Variants in RNGTT observed in about 807,000 individuals in gnomAD.
The protein encoded by RNGTT is mRNA-capping enzyme.
In RNGTT, 33 loss-of-function variants were observed where a neutral mutation model predicts 79.3. The observed-to-expected ratio is 0.42, with a 90% CI of 0.32 to 0.56. The LOEUF is 0.56. RNGTT is among the 20% of genes least tolerant of loss of function. RNGTT has a pLI of 0.17. For missense variants in RNGTT, 497 were observed against 739.1 expected (o/e 0.67, Z 3.80); for synonymous variants, 222 against 235.9 (o/e 0.94, Z 0.54).
intron 2 of RNGTT, among the ~76,000 whole-genome samples, 158 bp downstream of exon 2, chr6:88,940,913 C>T (rs575121916): frequency 3.2e-4 from 49 of 152,302 alleles, no homozygotes; most frequent in African/African-American, 9.6e-4. Context: ...TTGTGAGAAG[C>T]TGGGAGAAGG....
intron 8 of RNGTT, among the ~76,000 whole-genome samples, chr6:88,860,754 A>G (rs1582553440): frequency 6.6e-6 from 1 of 151,994 alleles, no homozygotes; most frequent in East Asian, 1.9e-4. Flanking sequence ...GCGGAGAATC[A>G]CTTGAGGCCA....
chr6:88,660,003 C>T (rs1211098493), intron 14 of RNGTT, among the ~76,000 whole-genome samples: 1 of 152,178 alleles, frequency 6.6e-6, no homozygotes, highest in African/African-American at 2.4e-5. Flanking sequence ...TATCTTTACT[C>T]TCCTGAAACA....
intron 8 of RNGTT, among the ~76,000 whole-genome samples, chr6:88,867,424 A>G (rs1782208992): frequency 6.6e-6 from 1 of 152,134 alleles, no homozygotes; most frequent in Non-Finnish European, 1.5e-5. Flanking sequence ...CAGAGGTTGC[A>G]GTGAGCCGAG....
Position 88,834,053 on chromosome 6 carries a change from A to C in RNGTT, c.1269+10304T>G, listed in dbSNP as rs1292729506. 2.6e-5 allele frequency among the ~76,000 whole-genome samples: 4 copies of C among 152,166 alleles called. No homozygotes were observed. The East Asian group carries it at 7.7e-4, about 29-fold the overall frequency. Reference sequence around the variant, plus strand: ...AGAATAAAAAATAAAATAAAATAATAATCATCATTTTCCTCTGAATCTACA... The same window carrying C: ...AGAATAAAAAATAAAATAAAATAATCATCATCATTTTCCTCTGAATCTACA... On this transcript the variant is annotated intron_variant, in intron 11 of 15. Coordinates refer to ENST00000369485, the MANE Select transcript of RNGTT (RefSeq NM_003800.5).
intron 8 of RNGTT, 40 bp downstream of exon 8, chr6:88,890,455 T>G: frequency 4.1e-6 from 5 of 1,218,754 alleles, no homozygotes; most frequent in Non-Finnish European, 4.8e-6. Flanking sequence ...TCTTCAAGCA[T>G]TAGGGTTATT....
intron 8 of RNGTT, among the ~76,000 whole-genome samples, chr6:88,885,571 G>T (rs529433908): frequency 2.0e-5 from 3 of 152,274 alleles, no homozygotes; most frequent in African/African-American, 7.2e-5. Context: ...CATAACAGTG[G>T]TAACTGTTTC....
chr6:88,808,471 A>G (rs958452701), intron 11 of RNGTT, among the ~76,000 whole-genome samples: 1 of 152,214 alleles, frequency 6.6e-6, no homozygotes, highest in Non-Finnish European at 1.5e-5. Flanking sequence ...AAAAAAGTAA[A>G]TGAGAAAACA....
chr6:88,953,812 C>T (rs1785337245), intron 1 of RNGTT, among the ~76,000 whole-genome samples: 1 of 152,142 alleles, frequency 6.6e-6, no homozygotes, highest in South Asian at 2.1e-4. Context: ...GATTGGGGTC[C>T]CATCTTTAGT....
intron 1 of RNGTT, among the ~76,000 whole-genome samples, chr6:88,950,646 T>C (rs1785212364): frequency 6.6e-6 from 1 of 152,104 alleles, no homozygotes; most frequent in African/African-American, 2.4e-5. Context: ...GTAGTGGAAA[T>C]AGCAAAAGAA....
At chr6:88,922,775 C>T (rs543876851) in intron 4 of RNGTT, among the ~76,000 whole-genome samples, 15 of 152,106 alleles carry the variant, frequency 9.9e-5, no homozygotes, top group Non-Finnish European at 2.1e-4. Flanking sequence ...GTGATCCACC[C>T]GCCTCGGCCT....
chr6:88,903,148 A>G (rs887962755), intron 6 of RNGTT, among the ~76,000 whole-genome samples: 1 of 152,246 alleles, frequency 6.6e-6, no homozygotes, highest in Non-Finnish European at 1.5e-5. Context: ...ATTTGAATCT[A>G]ATCTTTACAT....
chr6:88,872,666 G>A (rs973416982), intron 8 of RNGTT, among the ~76,000 whole-genome samples: 34 of 152,108 alleles, frequency 2.2e-4, no homozygotes, highest in African/African-American at 8.2e-4. Context: ...ATATTTTGGG[G>A]TAATTTTAGG....
In RNGTT at chr6:88,841,651, C is replaced by A. The variant is rs115540521; in HGVS notation, c.1269+2706G>T. On this transcript the variant is annotated intron_variant, in intron 11 of 15. Transcript: ENST00000369485. ...CACCACAATGCAACTTCTTGGATGC[C>A]ACGTGCAATTTTAATGTAAAAGTAC... 5.5e-3 allele frequency among the ~76,000 whole-genome samples: 843 copies of A among 152,264 alleles called. 8 individuals are homozygous for A. Among genetic ancestry groups the A allele is most frequent in the African/African-American group, 0.018 (731 of 41,544 alleles).
chr6:88,620,116 T>C (rs1772388037), intron 14 of RNGTT, among the ~76,000 whole-genome samples: 2 of 152,218 alleles, frequency 1.3e-5, no homozygotes, highest in African/African-American at 2.4e-5. Context: ...TGTGCCTCTA[T>C]AATGAGGAAC....
In RNGTT at chr6:88,780,002, A is replaced by AATT. The variant is rs1779011818; in HGVS notation, c.1339-10129_1339-10128insAAT. On this transcript the variant is annotated intron_variant, in intron 12 of 15. Transcript: ENST00000369485. ...GGGTGAGACTCTGTCTCAAATAAAT[A>AATT]AATTAATTAATTAATCTAGAAAATG... 2.6e-5 allele frequency among the ~76,000 whole-genome samples: 4 copies of AATT among 152,202 alleles called. No homozygotes were observed. In the East Asian group the frequency reaches 5.8e-4, roughly 22 times the overall value.
chr6:88,910,864 G>A (rs1462979869), intron 4 of RNGTT, among the ~76,000 whole-genome samples: 2 of 152,284 alleles, frequency 1.3e-5, no homozygotes, highest in Middle Eastern at 3.4e-3. Flanking sequence ...TTCCAGCCAA[G>A]AATTCCATAT....
Position 88,771,315 on chromosome 6 carries a change from G to GTATATATA in RNGTT, c.1339-1449_1339-1442dup, listed in dbSNP as rs539282627. 8.5e-3 allele frequency among the ~76,000 whole-genome samples: 524 copies of GTATATATA among 61,922 alleles called. 5 individuals are homozygous for GTATATATA. The highest frequency in any genetic ancestry group is 0.036 in the East Asian group (72 of 1,998). 40.6% of individuals were successfully genotyped at this position (61,922 alleles called of 152,430 possible). A position where few individuals can be genotyped will look rare whatever the true frequency, so the allele number is the denominator to read the frequency against. Reference sequence around the variant, plus strand: ...ACTGTATGTATGTATGTGTGTGTGTGTATATATATATATATATATATATAT... The same window carrying GTATATATA: ...ACTGTATGTATGTATGTGTGTGTGTGTATATATATATATATATATATATATATATATAT... On this transcript the variant is annotated intron_variant, in intron 12 of 15. Transcript: ENST00000369485.
chr6:88,801,717 CTTCTTAATATATAAGTTA>C, intron 11 of RNGTT, 85 bp from the exon 12 acceptor site: 1 of 833,754 alleles, frequency 1.2e-6, no homozygotes, highest in Non-Finnish European at 1.9e-6. Flanking sequence ...TTTATAAAAA[CTTCTTAATATATAAGTTA>C]TAAGAACTGA....
At position 88,612,740 on chromosome 6, in the gene RNGTT, T is replaced by C. The variant is rs777682777; in HGVS notation, c.1773A>G (p.Lys591=). The C allele has an allele frequency of 6.8e-6, 11 of 1,612,806 alleles. No homozygotes were observed. The highest frequency in any genetic ancestry group is 2.7e-5 in the African/African-American group (2 of 75,000). ...GGTCTTAGGTTAAAGGGCGTGGTCT[T>C]TTGGGAGGTGGTGGTGGCATGAGCT... The part of the protein sequence containing the change: ...DTELMPPPPP[K]RPRPLT Residue 591 remains lysine, a synonymous_variant, in exon 16 of 16, where the codon AAA becomes AAG. Coordinates refer to ENST00000369485, the MANE Select transcript of RNGTT (RefSeq NM_003800.5).
Sources: gnomAD v4.1 joint callset for allele counts (sites outside exome capture counted in the v4.1 genomes callset) on GRCh38, gnomAD v4.1.1 for gene constraint, MANE v1.5 for transcripts, NCBI Gene and HGNC (gene_info 2026-07-23, HGNC 2026-07-21) for gene names.